PXDN: variants seen among roughly 807,000 people sequenced by gnomAD.
PXDN encodes peroxidasin, also known as peroxidasin homolog.
A neutral mutation model predicts 140.3 loss-of-function variants in PXDN; 77 were observed. That is an observed-to-expected ratio of 0.55 (90% CI 0.46 to 0.66). PXDN has a LOEUF of 0.66. Among genes scored for constraint, PXDN ranks in the 30% least tolerant of loss-of-function variants. The probability of loss-of-function intolerance (pLI) is 0.00; values close to 1 mark genes in which losing one functional copy is unlikely to be tolerated. For synonymous variants in PXDN, 911 were observed against 857.4 expected, an observed-to-expected ratio of 1.06 and a Z score of -1.09; for missense variants, 1,838 against 2,039.5, an observed-to-expected ratio of 0.90 and a Z score of 1.90.
chr2:1,743,672 AGG>A, intron 1 of PXDN, among the ~76,000 whole-genome samples: 1 of 76,904 alleles, frequency 1.3e-5, no homozygotes, highest in Non-Finnish European at 2.4e-5. Context: ...GGAAGGGAGG[AGG>A]AGGAGGAAGG....
At position 1,680,089 on chromosome 2, in the gene PXDN, G is replaced by A. The variant is rs73180774; in HGVS notation, c.730+104C>T. The A allele has an allele frequency of 7.3e-4, 949 of 1,301,326 alleles. 4 individuals carry two copies. The African/African-American group carries it at 0.013, about 18-fold the overall frequency. The allele number at this position is 1,301,326 out of a possible 1,614,324, so 80.6% of individuals were successfully genotyped here. A position where few individuals can be genotyped will look rare whatever the true frequency, so the allele number is the denominator to read the frequency against. ...ATAAATGGTGTGTGTGTAAATGTGTGTGTGTGGTGTGTGGATGTTGTGTGT... is the reference window on the plus strand; with the variant it reads ...ATAAATGGTGTGTGTGTAAATGTGTATGTGTGGTGTGTGGATGTTGTGTGT... On this transcript the variant is annotated intron_variant, in intron 7 of 22. Transcript: ENST00000252804.
rs771832503 is a variant in PXDN at position 1,635,592 on chromosome 2, T to C, written c.4207-71A>G. 3.3e-4 allele frequency: 366 copies of C among 1,123,844 alleles called. 1 individual carries two copies. Among genetic ancestry groups the C allele is most frequent in the Non-Finnish European group, 4.3e-4 (328 of 758,286 alleles). 69.6% of individuals were successfully genotyped at this position (1,123,844 alleles called of 1,614,324 possible). ...ACAGCTTGGCTCTTGTATTAAAAGA[T>C]GTTATTTCACTGAAAATAATGCCTT... On this transcript the variant is annotated intron_variant, in intron 21 of 22. Transcript: ENST00000252804.
intron 7 of PXDN, among the ~76,000 whole-genome samples, 171 bp from the exon 8 acceptor site, chr2:1,677,215 G>A (rs761717710): frequency 2.6e-5 from 4 of 152,126 alleles, no homozygotes; most frequent in Non-Finnish European, 5.9e-5. Context: ...CTACAGCCCC[G>A]TCTATGGTGC....
intron 14 of PXDN, among the ~76,000 whole-genome samples, chr2:1,656,898 A>T (rs1357153587): frequency 5.8e-5 from 5 of 86,496 alleles, no homozygotes; most frequent in South Asian, 4.4e-4. Flanking sequence ...ACAGGGACCT[A>T]CCCCCTCCTG....
intron 13 of PXDN, 151 bp downstream of exon 13, chr2:1,661,921 C>T (rs957609123): frequency 1.6e-6 from 1 of 632,852 alleles, no homozygotes; most frequent in Non-Finnish European, 2.7e-6. Flanking sequence ...GGGCAGGCAG[C>T]AGCTGTCCAG....
intron 10 of PXDN, 23 bp from the exon 11 acceptor site, chr2:1,665,097 A>C: frequency 6.5e-7 from 1 of 1,536,308 alleles, no homozygotes; most frequent in Non-Finnish European, 8.9e-7. Flanking sequence ...AAGCATTCAA[A>C]ACAGGACATG....
chr2:1,662,555 G>C (rs1024754686), intron 12 of PXDN, among the ~76,000 whole-genome samples: 2 of 152,236 alleles, frequency 1.3e-5, no homozygotes, highest in Non-Finnish European at 2.9e-5. Flanking sequence ...AGGGCCCACA[G>C]AGGATAACAA....
In PXDN at chr2:1,670,132, T is replaced by A. The variant is rs189838242; in HGVS notation, c.1018+3511A>T. ...TTACACTATGCTACCCTTCTGAAAA[T>A]TTCCCCAAGTTTCTGGATATCAAAA... On this transcript the variant is annotated intron_variant, in intron 9 of 22. Transcript: ENST00000252804. Among the ~76,000 whole-genome samples, 442 of 152,198 alleles carry A rather than the reference T, an allele frequency of 2.9e-3. 6 individuals carry two copies. The highest frequency in any genetic ancestry group is 0.01 in the African/African-American group (424 of 41,526).
chr2:1,690,389 G>A (rs371268708), intron 3 of PXDN, among the ~76,000 whole-genome samples: 1 of 152,104 alleles, frequency 6.6e-6, no homozygotes, highest in African/African-American at 2.4e-5. Context: ...AGATGAGGTC[G>A]GAAGAGGGTT....
At position 1,687,415 on chromosome 2, in the gene PXDN, C is replaced by T. The variant is rs77824171; in HGVS notation, c.416+217G>A. Among the ~76,000 whole-genome samples the T allele has an allele frequency of 0.017, 2,628 of 152,280 alleles. 37 individuals carry two copies. The highest frequency in any genetic ancestry group is 0.034 in the Middle Eastern group (10 of 294). The stretch of plus-strand genomic sequence containing the variant: ...CGCCGTAAGGAAACCAGGGATACGT[C>T]CTGAGGGGTGGGTGGAGGGCTGGCT... On this transcript the variant is annotated intron_variant, in intron 4 of 22. Transcript: ENST00000252804. The surrounding 1 kb of genome is among the most constrained non-coding windows in gnomAD (Gnocchi z 4.0).
intron 1 of PXDN, among the ~76,000 whole-genome samples, chr2:1,698,065 G>A (rs1177764169): frequency 6.6e-6 from 1 of 152,128 alleles, no homozygotes; most frequent in Non-Finnish European, 1.5e-5. Context: ...CGATAAAAAC[G>A]CCACACCCCT....
rs149970582 is a variant in PXDN at position 1,688,808 on chromosome 2, A to G, written c.345-1105T>C. Reference sequence around the variant, plus strand: ...GGGTTTCACCTACTCGTTCCACTAAATAACCAACATTTTTTGTCTTAATGC... The same window carrying G: ...GGGTTTCACCTACTCGTTCCACTAAGTAACCAACATTTTTTGTCTTAATGC... On this transcript the variant is annotated intron_variant, in intron 3 of 22. Transcript: ENST00000252804. Among the ~76,000 whole-genome samples the G allele has an allele frequency of 4.7e-3, 722 of 152,284 alleles. 4 individuals are homozygous for G. Among genetic ancestry groups the G allele is most frequent in the African/African-American group, 0.017 (691 of 41,562 alleles).
intron 7 of PXDN, among the ~76,000 whole-genome samples, chr2:1,679,356 G>A (rs559429937): frequency 2.7e-5 from 4 of 149,450 alleles, no homozygotes; most frequent in Non-Finnish European, 5.9e-5. Context: ...GTGTATGTGC[G>A]TGTGTGTGGT....
chr2:1,668,886 T>A (rs747757795), intron 9 of PXDN, among the ~76,000 whole-genome samples: 4 of 152,190 alleles, frequency 2.6e-5, no homozygotes, highest in African/African-American at 4.8e-5. Context: ...TGGAAGACAA[T>A]GTGGCGATTC....
chr2:1,728,515 C>T (rs1410968781), intron 1 of PXDN, among the ~76,000 whole-genome samples: 1 of 152,258 alleles, frequency 6.6e-6, no homozygotes, highest in South Asian at 2.1e-4. Flanking sequence ...TCACCTGATA[C>T]CCAGGTCCAC....
At chr2:1,709,978 G>A (rs1174189861) in intron 1 of PXDN, among the ~76,000 whole-genome samples, 1 of 152,134 alleles carries the variant, frequency 6.6e-6, no homozygotes, top group East Asian at 1.9e-4. Flanking sequence ...TTGTGGGGCT[G>A]CCCAGGCTGC....
intron 11 of PXDN, 75 bp downstream of exon 11, chr2:1,664,883 G>A (rs1683395019): frequency 7.8e-7 from 1 of 1,283,218 alleles, no homozygotes; most frequent in Middle Eastern, 2.4e-4. Context: ...GGGGTTGCCT[G>A]GGCACAGTGG....
At chr2:1,657,883 G>A (rs1484593236) in intron 14 of PXDN, among the ~76,000 whole-genome samples, 8 of 137,972 alleles carry the variant, frequency 5.8e-5, no homozygotes, top group Admixed American at 2.2e-4. Context: ...CCTCCTGACC[G>A]AAACCTGCCC....
rs80313505 is a variant in PXDN at position 1,685,683 on chromosome 2, C to T, written c.417-1532G>A. On this transcript the variant is annotated intron_variant, in intron 4 of 22. Transcript: ENST00000252804. This position sits in a 1 kb window ranked among gnomAD's most constrained non-coding sequence, Gnocchi z 5.1. ...TGTAAAAATCCCTCCACCCAGACTG[C>T]AATGCAGGTTGGCCAGGGGGACGGC... 0.018 allele frequency among the ~76,000 whole-genome samples: 2,727 copies of T among 152,186 alleles called. 43 individuals are homozygous for T. Among genetic ancestry groups the T allele is most frequent in the African/African-American group, 0.036 (1,485 of 41,496 alleles).
Sources: allele counts gnomAD v4.1 joint callset (sites outside exome capture counted in the v4.1 genomes callset), GRCh38; gene constraint gnomAD v4.1.1; non-coding constraint Gnocchi (gnomAD v3.1); transcripts MANE v1.5; gene names NCBI Gene and HGNC (gene_info 2026-07-23, HGNC 2026-07-21).